The following LCTL variants were observed in gnomAD, a reference collection of about 807,000 sequenced individuals.
The protein encoded by LCTL is lactase-like protein.
LCTL carries 76 observed loss-of-function variants against 75.8 expected under a neutral mutation model. The observed-to-expected ratio is 1.00, with a 90% confidence interval of 0.83 to 1.21. The LOEUF (loss-of-function observed/expected upper bound fraction) is 1.21. Among genes scored for constraint, LCTL ranks in the 50% most tolerant of loss-of-function variants. The pLI is 0.00. For synonymous variants in LCTL, 271 were observed against 268.8 expected (o/e 1.01, Z -0.08); for missense variants, 670 against 712.4 (o/e 0.94, Z 0.68).
At chr15:66,548,294 C>A in exon 13 of LCTL, 1 of 397,730 alleles carries the variant, frequency 2.5e-6, no homozygotes, top group African/African-American at 2.0e-5. Flanking sequence ...GGTGAGATTA[C>A]AAGTGTTTTT....
rs747827853 is a variant in LCTL at position 66,553,122 on chromosome 15, GTTCC to G, written c.1055_1058del (p.Arg352ThrfsTer16). 6 of 1,612,050 alleles carry G rather than the reference GTTCC, an allele frequency of 3.7e-6. No individual in the cohort carries two copies. The highest frequency in any genetic ancestry group is 5.1e-6 in the Non-Finnish European group (6 of 1,179,176). On this transcript the variant is annotated frameshift_variant, in exon 9 of 13. Transcript: ENST00000341509. LOFTEE classifies it high-confidence loss of function. ...AGCTGGGCCCCTGGCGGGAGGGGTAGTTCCTTTCCGTGATGTACCGAGTAGTAAA... is the reference window on the plus strand; with the variant it reads ...AGCTGGGCCCCTGGCGGGAGGGGTAGTTTCCGTGATGTACCGAGTAGTAAA...
chr15:66,552,088 A>G (rs775942520), exon 10 of LCTL: 4 of 1,612,962 alleles, frequency 2.5e-6, no homozygotes, highest in Non-Finnish European at 3.4e-6. Flanking sequence ...TGAATTCTCC[A>G]CTCATCACAT....
At chr15:66,557,698 A>C in intron 8 of LCTL, 24 bp downstream of exon 9, 1 of 1,605,752 alleles carries the variant, frequency 6.2e-7, no homozygotes, top group Non-Finnish European at 8.5e-7. Flanking sequence ...TAGTATCTGC[A>C]GTTTAAAATG....
chr15:66,560,857 C>T lies in LCTL; in HGVS notation c.705+149G>A, dbSNP rs184242590. The T allele has an allele frequency of 1.2e-3, 763 of 663,088 alleles. 4 individuals carry two copies. The highest frequency in any genetic ancestry group is 9.0e-3 in the African/African-American group (501 of 55,424). The allele number at this position is 663,088 out of a possible 1,614,324, so 41.1% of individuals were successfully genotyped here. On this transcript the variant is annotated intron_variant, in intron 6 of 12. Transcript: ENST00000341509. Reference sequence around the variant, plus strand: ...CCCCAGCGCCCTGAATGACAGAACACGCCCTCCATAAATCGTCACAGAAGG... The same window carrying T: ...CCCCAGCGCCCTGAATGACAGAACATGCCCTCCATAAATCGTCACAGAAGG...
intron 8 of LCTL, among the ~76,000 whole-genome samples, chr15:66,553,530 C>T (rs1485488279): frequency 2.7e-5 from 4 of 149,590 alleles, no homozygotes; most frequent in Non-Finnish European, 4.5e-5. Context: ...CTGAGGCGGG[C>T]GGATCACAAG....
At chr15:66,555,370 C>T (rs989008133) in intron 8 of LCTL, among the ~76,000 whole-genome samples, 1 of 151,442 alleles carries the variant, frequency 6.6e-6, no homozygotes, top group Non-Finnish European at 1.5e-5. Flanking sequence ...GGTGAAACCC[C>T]ATCTCTACAA....
chr15:66,561,463 T>A (rs1895888282), intron 4 of LCTL, 148 bp from the exon 6 acceptor site: 3 of 885,128 alleles, frequency 3.4e-6, no homozygotes, highest in Non-Finnish European at 5.2e-6. Context: ...CTGGATGGAT[T>A]GAATATTTAA....
At chr15:66,557,019 G>A (rs940248467) in intron 8 of LCTL, among the ~76,000 whole-genome samples, 5 of 152,150 alleles carry the variant, frequency 3.3e-5, no homozygotes, top group African/African-American at 1.2e-4. Context: ...GTCTTTGGGT[G>A]TTGACGTGTA....
At chr15:66,561,022 G>A in exon 6 of LCTL, 1 of 1,614,068 alleles carries the variant, frequency 6.2e-7, no homozygotes, top group Non-Finnish European at 8.5e-7. Context: ...GATGTGGTGT[G>A]CTGCCTTGTA....
chr15:66,561,409 G>T (rs544619139), intron 4 of LCTL, 94 bp from the exon 6 acceptor site: 19 of 1,404,406 alleles, frequency 1.4e-5, no homozygotes, highest in Admixed American at 5.4e-5. Context: ...ACAAACAGGA[G>T]GGAGGCCGCA....
chr15:66,564,930 T>A, intron 1 of LCTL, 91 bp from the exon 3 acceptor site: 3 of 1,242,104 alleles, frequency 2.4e-6, no homozygotes, highest in Non-Finnish European at 3.4e-6. Context: ...CCTCAGGGAC[T>A]GCCCCTCCCT....
At chr15:66,547,957 C>T (rs1895442989) in exon 13 of LCTL, 1 of 150,974 alleles carries the variant, frequency 6.6e-6, no homozygotes, top group African/African-American at 2.4e-5. Context: ...CAGCTAGTTT[C>T]TATATTTTTA....
exon 1 of LCTL, chr15:66,565,277 G>A (rs374895123): frequency 1.2e-6 from 2 of 1,613,046 alleles, no homozygotes; most frequent in Admixed American, 1.7e-5. Context: ...GTAGAAGGAG[G>A]CCTCTTCTGG....
chr15:66,556,774 G>A (rs1325473153), intron 8 of LCTL, among the ~76,000 whole-genome samples: 1 of 152,178 alleles, frequency 6.6e-6, no homozygotes, highest in Non-Finnish European at 1.5e-5. Flanking sequence ...CTGTGGAATC[G>A]TGGTTGCCAG....
exon 11 of LCTL, chr15:66,551,835 C>A (rs1481230181): frequency 6.2e-7 from 1 of 1,613,214 alleles, no homozygotes; most frequent in African/African-American, 1.3e-5. Context: ...GAAGTATACC[C>A]CTTTATATTA....
At chr15:66,560,431 T>G (rs969000976) in intron 6 of LCTL, among the ~76,000 whole-genome samples, 7 of 152,174 alleles carry the variant, frequency 4.6e-5, no homozygotes, top group African/African-American at 1.7e-4. Context: ...TACTCTCTTG[T>G]GTGACTGATG....
At chr15:66,551,556 T>C (rs1330151985) in intron 11 of LCTL, 106 bp downstream of exon 12, 3 of 870,044 alleles carry the variant, frequency 3.4e-6, no homozygotes, top group Non-Finnish European at 5.5e-6. Flanking sequence ...TGCCCCGTCC[T>C]CTTTCATGGA....
intron 6 of LCTL, among the ~76,000 whole-genome samples, chr15:66,559,946 G>A (rs1414042333): frequency 6.6e-6 from 1 of 152,022 alleles, no homozygotes; most frequent in Non-Finnish European, 1.5e-5. Context: ...AATTAGCTGG[G>A]TGTGGTGGTG....
At chr15:66,561,210 A>C in exon 5 of LCTL, 2 of 1,614,224 alleles carry the variant, frequency 1.2e-6, no homozygotes, top group Non-Finnish European at 1.7e-6. Context: ...AACGTGATCC[A>C]GTGCTTCACA....
Sources: gnomAD v4.1 joint callset for allele counts (sites outside exome capture counted in the v4.1 genomes callset) on GRCh38, gnomAD v4.1.1 for gene constraint, MANE v1.5 for transcripts, NCBI Gene and HGNC (gene_info 2026-07-23, HGNC 2026-07-21) for gene names.